Variants in CPNE1 observed in about 807,000 individuals in gnomAD.
The protein encoded by CPNE1 is copine-1.
Under a neutral mutation model 63.2 loss-of-function variants are expected in CPNE1, and 58 were observed. That is an observed-to-expected ratio of 0.92 (90% confidence interval 0.74 to 1.14). CPNE1 has a LOEUF of 1.14. Among genes scored for constraint, CPNE1 ranks in the 50% most tolerant of loss-of-function variants. The pLI is 0.00. For missense variants in CPNE1, 672 were observed against 661.7 expected (o/e 1.02, Z -0.17); for synonymous variants, 237 against 249.0 (o/e 0.95, Z 0.45).
At chr20:35,632,080 T>C (rs2032188029) in intron 5 of CPNE1, 55 bp from the exon 6 acceptor site, 27 of 1,602,742 alleles carry the variant, frequency 1.7e-5, no homozygotes, top group Non-Finnish European at 2.2e-5. Flanking sequence ...CATTATGCCA[T>C]CCCTCTGTCC....
intron 12 of CPNE1, 35 bp from the exon 13 acceptor site, chr20:35,630,525 A>C: frequency 6.2e-7 from 1 of 1,610,536 alleles, no homozygotes; most frequent in Non-Finnish European, 8.5e-7. Context: ...TTCTTTCCCC[A>C]TGACCTCTGC....
intron 1 of CPNE1, chr20:35,650,551 CAG>C (rs2033431352): frequency 6.6e-6 from 1 of 152,544 alleles, no homozygotes; most frequent in African/African-American, 2.4e-5. Context: ...TTAAATTAAA[CAG>C]CATATACAAA....
intron 1 of CPNE1, among the ~76,000 whole-genome samples, chr20:35,635,281 T>C (rs576004907): frequency 3.9e-5 from 6 of 152,310 alleles, no homozygotes; most frequent in African/African-American, 1.4e-4. Context: ...TCTAACATTA[T>C]ATACATGTAT....
At position 35,626,395 on chromosome 20, in the gene CPNE1, G is replaced by C. The variant is rs371677260; in HGVS notation, c.1474-14C>G. On this transcript the variant is annotated splice_polypyrimidine_tract_variant and intron_variant, in intron 15 of 15. Coordinates refer to ENST00000397443, the MANE Select transcript of CPNE1 (RefSeq NM_152925.3). ...CTCCCGAGGGGCCTGCCAAGAAAAG[G>C]GAAAAGTCAGTGGTGGCCCAGAACA... is the stretch of plus-strand genomic sequence containing the variant. The C allele has an allele frequency of 8.1e-6, 13 of 1,613,194 alleles. No individual in the cohort carries two copies. Among genetic ancestry groups the C allele is most frequent in the Non-Finnish European group, 1.1e-5 (13 of 1,179,406 alleles).
At chr20:35,655,138 C>G in intron 1 of CPNE1, 1 of 1,614,160 alleles carries the variant, frequency 6.2e-7, no homozygotes. Flanking sequence ...TTTAATTGTA[C>G]CACCTGTGCG....
chr20:35,630,825 G>A, intron 11 of CPNE1, 30 bp from the exon 12 acceptor site: 2 of 1,609,042 alleles, frequency 1.2e-6, no homozygotes, highest in East Asian at 2.2e-5. Context: ...TGGGCAAAAG[G>A]CAGTGAGGGG....
At chr20:35,656,679 C>A (rs147966350) in intron 1 of CPNE1, among the ~76,000 whole-genome samples, 2 of 152,190 alleles carry the variant, frequency 1.3e-5, no homozygotes, top group Non-Finnish European at 2.9e-5. Flanking sequence ...GGATTACAGG[C>A]ATGCGCCACC....
chr20:35,640,624 C>T (rs2032747515), intron 1 of CPNE1, among the ~76,000 whole-genome samples: 1 of 152,074 alleles, frequency 6.6e-6, no homozygotes, highest in Non-Finnish European at 1.5e-5. Flanking sequence ...AACAAAACCC[C>T]AATTCTTATA....
At chr20:35,635,130 T>C (rs2032415200) in intron 1 of CPNE1, among the ~76,000 whole-genome samples, 1 of 151,940 alleles carries the variant, frequency 6.6e-6, no homozygotes, top group African/African-American at 2.4e-5. Flanking sequence ...ACTGCTCCCT[T>C]TCCCCACAAG....
chr20:35,628,563 T>G (rs1282340354), intron 13 of CPNE1, among the ~76,000 whole-genome samples: 1 of 152,190 alleles, frequency 6.6e-6, no homozygotes, highest in Non-Finnish European at 1.5e-5. Context: ...GCCAAAAATG[T>G]ACAACCTGAA....
In CPNE1 at chr20:35,632,007, C is replaced by T. The variant is rs773196207; in HGVS notation, c.475G>A (p.Asp159Asn). Reference sequence around the variant, plus strand: ...TGGCGGAAGAACTCCAGAAATGGATCTGATTTTCCCAGGAAGTCCTGCCAA... The same window carrying T: ...TGGCGGAAGAACTCCAGAAATGGATTTGATTTTCCCAGGAAGTCCTGCCAA... ...LDKKDFLGKS[D>N]PFLEFFRQGD... Residue 159 changes from aspartate to asparagine, a missense_variant, in exon 6 of 16, where the codon GAT becomes AAT. By Grantham distance (23) the Asp-to-Asn change is conservative. Transcript: ENST00000397443. The T allele has an allele frequency of 6.2e-7, 1 of 1,614,142 alleles. No individual in the cohort carries two copies. The highest frequency in any genetic ancestry group is 8.5e-7 in the Non-Finnish European group (1 of 1,180,014).
rs1169619129 is a variant in CPNE1 at position 35,627,348 on chromosome 20, T to G, written c.1168A>C (p.Asn390His). The G allele has an allele frequency of 6.2e-7, 1 of 1,613,932 alleles. No individual in the cohort carries two copies. ...LPQVRLYGPT[N>H]FAPIINHVAR... ...ACATGGTTGATGATGGGTGCAAAGT[T>G]GGTAGGGCCATAGAGGCGAACTTGG... Residue 390 changes from asparagine to histidine, a missense_variant, in exon 14 of 16, where the codon AAC becomes CAC. Coordinates refer to ENST00000397443, the MANE Select transcript of CPNE1 (RefSeq NM_152925.3).
chr20:35,645,354 T>C (rs150762724), intron 1 of CPNE1, among the ~76,000 whole-genome samples: 26 of 152,254 alleles, frequency 1.7e-4, no homozygotes, highest in Admixed American at 9.2e-4. Flanking sequence ...GAAACTACAC[T>C]ATGACAAAGA....
intron 1 of CPNE1, among the ~76,000 whole-genome samples, chr20:35,638,889 C>G (rs2032641029): frequency 6.6e-6 from 1 of 152,156 alleles, no homozygotes; most frequent in Non-Finnish European, 1.5e-5. Context: ...CAAAACGAAT[C>G]TGTGATGTAA....
chr20:35,659,041 A>C (rs1226905274), intron 1 of CPNE1: 2 of 716,160 alleles, frequency 2.8e-6, no homozygotes, highest in Non-Finnish European at 5.2e-6. Flanking sequence ...ACGGAGGCAA[A>C]AATCAATGCA....
At chr20:35,655,450 C>G (rs946042467) in intron 1 of CPNE1, 12 of 907,370 alleles carry the variant, frequency 1.3e-5, no homozygotes, top group Non-Finnish European at 1.9e-5. Context: ...AATATTCCCT[C>G]AAGCTATCAC....
chr20:35,630,809 G>T lies in CPNE1; in HGVS notation c.996-14C>A, dbSNP rs541952227. The T allele has an allele frequency of 1.2e-6, 2 of 1,612,502 alleles. No individual in the cohort carries two copies. The highest frequency in any genetic ancestry group is 2.7e-5 in the African/African-American group (2 of 74,932). On this transcript the variant is annotated splice_polypyrimidine_tract_variant and intron_variant, in intron 11 of 15. Transcript: ENST00000397443. The stretch of plus-strand genomic sequence containing the variant: ...AACAGCTTGTCTCTGTGGGAGGACA[G>T]TGTATTGGGCAAAAGGCAGTGAGGG...
chr20:35,663,183 A>T (rs993870813), intron 1 of CPNE1, among the ~76,000 whole-genome samples: 1 of 152,240 alleles, frequency 6.6e-6, no homozygotes, highest in Non-Finnish European at 1.5e-5. Flanking sequence ...CACTAAATCC[A>T]GAAATCCTCC....
At chr20:35,631,812 G>A (rs1222978585) in intron 6 of CPNE1, 35 bp from the exon 7 acceptor site, 1 of 1,586,482 alleles carries the variant, frequency 6.3e-7, no homozygotes, top group Non-Finnish European at 8.7e-7. Flanking sequence ...AGTGAGCTCT[G>A]GCATGGCCCC....
Sources: gnomAD v4.1 joint callset for allele counts (sites outside exome capture counted in the v4.1 genomes callset) on GRCh38, gnomAD v4.1.1 for gene constraint, MANE v1.5 for transcripts, NCBI Gene and HGNC (gene_info 2026-07-23, HGNC 2026-07-21) for gene names.